GARNL3: variants seen among roughly 807,000 people sequenced by gnomAD.
GARNL3 encodes the protein GTPase activating Rap/RanGAP domain like 3.
Under a neutral mutation model 125.0 loss-of-function variants are expected in GARNL3, and 63 were observed. That is an observed-to-expected ratio of 0.50 (90% CI 0.41 to 0.62). GARNL3 has a LOEUF of 0.62. Among genes scored for constraint, GARNL3 ranks in the 20% least tolerant of loss-of-function variants. GARNL3 has a pLI of 0.00. For synonymous variants in GARNL3, 439 were observed against 457.5 expected, an observed-to-expected ratio of 0.96 and a Z score of 0.52; for missense variants, 994 against 1,244.0, an observed-to-expected ratio of 0.80 and a Z score of 3.02.
intron 21 of GARNL3, among the ~76,000 whole-genome samples, chr9:127,357,843 C>T (rs1830771850): frequency 6.6e-6 from 1 of 151,838 alleles, no homozygotes; most frequent in African/African-American, 2.4e-5. Context: ...TAAATGAGAG[C>T]ATTTGTTAGA....
intron 1 of GARNL3, among the ~76,000 whole-genome samples, chr9:127,282,427 C>G (rs1480933651): frequency 6.6e-6 from 1 of 152,144 alleles, no homozygotes; most frequent in South Asian, 2.1e-4. Flanking sequence ...ATTAAATCCT[C>G]ACCACAAGCC....
chr9:127,370,359 T>G (rs1831542744), intron 22 of GARNL3, among the ~76,000 whole-genome samples: 2 of 152,184 alleles, frequency 1.3e-5, no homozygotes, highest in Admixed American at 1.3e-4. Context: ...TGTTAAACTG[T>G]ACAGGATTCC....
intron 1 of GARNL3, among the ~76,000 whole-genome samples, chr9:127,234,758 T>G (rs1314353484): frequency 6.6e-6 from 1 of 152,208 alleles, no homozygotes; most frequent in Non-Finnish European, 1.5e-5. Flanking sequence ...TGGTGTCTGA[T>G]GAGGGCCTGC....
chr9:127,268,033 T>A lies in GARNL3; in HGVS notation c.144+3012T>A, dbSNP rs1303586941. On this transcript the variant is annotated intron_variant, in intron 1 of 27. Transcript: ENST00000373387. Reference sequence around the variant, plus strand: ...GGTGATGAGAAGATGGAAACCCAGATCTTGACAGACTCATGGGAGAACTAC... The same window carrying A: ...GGTGATGAGAAGATGGAAACCCAGAACTTGACAGACTCATGGGAGAACTAC... Among the ~76,000 whole-genome samples the A allele has an allele frequency of 3.3e-5, 5 of 152,202 alleles. No individual in the cohort carries two copies. In the East Asian group the frequency reaches 5.8e-4, roughly 18 times the overall value.
At chr9:127,235,644 T>G (rs1437830940) in intron 1 of GARNL3, among the ~76,000 whole-genome samples, 1 of 152,064 alleles carries the variant, frequency 6.6e-6, no homozygotes, top group Non-Finnish European at 1.5e-5. Flanking sequence ...AGTTTTTTTG[T>G]TTTTTTGTTT....
Position 127,266,360 on chromosome 9 carries a change from C to A in GARNL3, c.144+1339C>A, listed in dbSNP as rs916796421. On this transcript the variant is annotated intron_variant, in intron 1 of 27. Transcript: ENST00000373387. This position sits in a 1 kb window ranked among gnomAD's most constrained non-coding sequence, Gnocchi z 4.0. ...GTAGGTATGAGCTAACAGTATGATT[C>A]CTGGCAATGCCGTGTCCCAAGGCAA... 1.4e-4 allele frequency among the ~76,000 whole-genome samples: 22 copies of A among 152,184 alleles called. No homozygotes were observed. The highest frequency in any genetic ancestry group is 5.3e-4 in the African/African-American group (22 of 41,440).
rs752529378 is a variant in GARNL3, at chr9:127,342,213, T to C, written c.1136-6T>C. On this transcript the variant is annotated splice_polypyrimidine_tract_variant and splice_region_variant and intron_variant, in intron 13 of 27. Coordinates refer to ENST00000373387, the MANE Select transcript of GARNL3 (RefSeq NM_032293.5). ...GTAATTCCCTTTTTAACTTGATTTA[T>C]TTTAGTAATTAATGGTGAAAAAGCC... 6.5e-7 allele frequency: 1 copy of C among 1,543,516 alleles called. No homozygotes were observed. Among genetic ancestry groups the C allele is most frequent in the Non-Finnish European group, 9.0e-7 (1 of 1,115,576 alleles).
In GARNL3 at chr9:127,390,701, G is replaced by A. The variant is rs200782971; in HGVS notation, c.2804G>A (p.Arg935Gln). 90 of 1,613,968 alleles carry A rather than the reference G, an allele frequency of 5.6e-5. No individual in the cohort carries two copies. Among genetic ancestry groups the A allele is most frequent in the South Asian group, 2.6e-4 (24 of 91,086 alleles). ...GCGCCAAAGGCCAAATCAAAACCCC[G>A]GAAGCGGTTAGAAGAAAGCCAAGGA... ...EGAPKAKSKPRKRLEESQGGP... is the reference protein window; with the variant it reads ...EGAPKAKSKPQKRLEESQGGP... The change falls in exon 27 of 28, where the codon CGG becomes CAG. Residue 935 changes from arginine (R) to glutamine (Q), a missense_variant. Physicochemically the swap from Arg to Gln is conservative, Grantham distance 43. Around this residue, in one of 5 missense-constraint regions of GARNL3, gnomAD observed 728 missense variants for 865.7 expected, o/e 0.84. Coordinates refer to ENST00000373387, the MANE Select transcript of GARNL3 (RefSeq NM_032293.5).
intron 7 of GARNL3, among the ~76,000 whole-genome samples, chr9:127,331,750 G>A (rs1417101970): frequency 2.2e-5 from 1 of 45,732 alleles, no homozygotes; most frequent in Admixed American, 3.1e-4. Flanking sequence ...TCTGTTTTGT[G>A]ACTTCTTCAG....
At chr9:127,331,768 A>G (rs1829273093) in intron 7 of GARNL3, among the ~76,000 whole-genome samples, 2 of 101,048 alleles carry the variant, frequency 2.0e-5, no homozygotes, top group African/African-American at 7.3e-5. Context: ...CAGATTGAAT[A>G]TCTTTAGGAA....
At position 127,353,900 on chromosome 9, in the gene GARNL3, A is replaced by G. The variant is rs749304009; in HGVS notation, c.1598A>G (p.His533Arg). Residue 533 changes from histidine to arginine, a missense_variant, in exon 18 of 28, where the codon CAT (histidine) becomes CGT (arginine). His to Arg is a conservative substitution (Grantham distance 29). This residue lies in a region of GARNL3 where 728 missense variants were observed against 865.7 expected (regional missense o/e 0.84). Transcript: ENST00000373387. ...AGAACTCTGCCAGTGAAGCAAATGC[A>G]TGTGCTTGAGACCCTGGACCTTCTG... Reference protein sequence around the residue: ...FDRTLPVKQMHVLETLDLLVL... With the variant: ...FDRTLPVKQMRVLETLDLLVL... 1.5e-5 allele frequency: 24 copies of G among 1,613,860 alleles called. No homozygotes were observed. The highest frequency in any genetic ancestry group is 1.9e-5 in the Non-Finnish European group (23 of 1,179,836).
intron 22 of GARNL3, among the ~76,000 whole-genome samples, chr9:127,377,899 G>C (rs80263830): frequency 0.021 from 3,186 of 151,214 alleles, 109 homozygotes; most frequent in East Asian, 0.16. Context: ...AATTAAAAGA[G>C]AAACAGCAAA....
Position 127,344,252 on chromosome 9 carries a change from A to T in GARNL3, c.1269A>T (p.Arg423=). 6.2e-7 allele frequency: 1 copy of T among 1,611,368 alleles called. No individual in the cohort carries two copies. The highest frequency in any genetic ancestry group is 8.5e-7 in the Non-Finnish European group (1 of 1,178,710). ...TTTTTTAGAACATGCTTAATAGACGATCTTTTAGTGATGTCTTACCAGAGT... is the reference window on the plus strand; with the variant it reads ...TTTTTTAGAACATGCTTAATAGACGTTCTTTTAGTGATGTCTTACCAGAGT... ...PDLHKNMLNR[R]SFSDVLPESP... The change falls in exon 15 of 28, where the codon CGA becomes CGT. Residue 423 remains arginine (R), a synonymous_variant. Transcript: ENST00000373387.
At chr9:127,318,766 G>A (rs2065312261) in intron 5 of GARNL3, among the ~76,000 whole-genome samples, 1 of 152,118 alleles carries the variant, frequency 6.6e-6, no homozygotes. Flanking sequence ...CAGCTAAGAT[G>A]TTACATCATA....
rs538110703 is a variant in GARNL3, at chr9:127,346,139, C to A, written c.1431+662C>A. On this transcript the variant is annotated intron_variant, in intron 16 of 27. Transcript: ENST00000373387. The stretch of plus-strand genomic sequence containing the variant: ...GTTCCACTTTCCATGGGGGTAAAAA[C>A]TAGGTGATCATCAAAAATAAAACAG... 3.5e-4 allele frequency among the ~76,000 whole-genome samples: 53 copies of A among 152,266 alleles called. No individual in the cohort carries two copies. In the South Asian group the frequency reaches 1.0e-2, roughly 29 times the overall value.
At chr9:127,231,811 TAGG>T (rs986990505) in intron 1 of GARNL3, among the ~76,000 whole-genome samples, 55 of 152,146 alleles carry the variant, frequency 3.6e-4, no homozygotes, top group Admixed American at 2.6e-4. Context: ...AGAGCATAGA[TAGG>T]AGGAGGGCTT....
At chr9:127,349,323 C>G (rs1268660381) in intron 17 of GARNL3, among the ~76,000 whole-genome samples, 1 of 151,952 alleles carries the variant, frequency 6.6e-6, no homozygotes, top group Non-Finnish European at 1.5e-5. Flanking sequence ...TCAGCCAATA[C>G]TTATTATCAC....
intron 2 of GARNL3, among the ~76,000 whole-genome samples, chr9:127,298,069 T>C (rs1379089414): frequency 6.6e-6 from 1 of 152,248 alleles, no homozygotes; most frequent in East Asian, 1.9e-4. Context: ...CTCTAGCCTC[T>C]CTGAATGGCC....
At position 127,333,018 on chromosome 9, in the gene GARNL3, T is replaced by C; in HGVS notation, c.671-5T>C. 6.2e-7 allele frequency: 1 copy of C among 1,604,536 alleles called. No homozygotes were observed. Among genetic ancestry groups the C allele is most frequent in the Non-Finnish European group, 8.5e-7 (1 of 1,171,274 alleles). On this transcript the variant is annotated splice_polypyrimidine_tract_variant and splice_region_variant and intron_variant, in intron 8 of 27. Transcript: ENST00000373387. ...ACTTTCCTCATACTCTACTTCTTCC[T>C]GCAGAAATTGGAAGCGAGCCTTTTC...
Sources: allele counts gnomAD v4.1 joint callset (sites outside exome capture counted in the v4.1 genomes callset), GRCh38; gene constraint gnomAD v4.1.1; regional missense constraint gnomAD v4.1.1; non-coding constraint Gnocchi (gnomAD v3.1); transcripts MANE v1.5; gene names NCBI Gene and HGNC (gene_info 2026-07-23, HGNC 2026-07-21).